GAB2: variants seen among roughly 807,000 people sequenced by gnomAD.
GAB2 encodes the protein GRB2 associated binding protein 2.
Under a neutral mutation model 65.5 loss-of-function variants are expected in GAB2, and 26 were observed. The observed-to-expected ratio is 0.40, with a 90% confidence interval of 0.29 to 0.55. The LOEUF (loss-of-function observed/expected upper bound fraction) is 0.55. GAB2 is among the 20% of genes least tolerant of loss of function. The probability of loss-of-function intolerance (pLI) is 0.53; values close to 1 mark genes in which losing one functional copy is unlikely to be tolerated. For missense variants in GAB2, 884 were observed against 875.8 expected, an observed-to-expected ratio of 1.01 and a Z score of -0.12; for synonymous variants, 321 against 329.6, an observed-to-expected ratio of 0.97 and a Z score of 0.28.
At chr11:78,337,232 G>A (rs1432899511) in intron 1 of GAB2, among the ~76,000 whole-genome samples, 4 of 152,208 alleles carry the variant, frequency 2.6e-5, no homozygotes, top group Non-Finnish European at 5.9e-5. Context: ...ATTTCAGTTA[G>A]TGGGTTTGAT....
chr11:78,280,176 A>C (rs10899451), intron 2 of GAB2, among the ~76,000 whole-genome samples: 23,946 of 152,208 alleles, frequency 0.16, 2,437 homozygotes, highest in East Asian at 0.4. Flanking sequence ...AACAAGGGTC[A>C]AGTGTGACTG....
intron 1 of GAB2, among the ~76,000 whole-genome samples, chr11:78,336,346 A>C (rs1487998153): frequency 2.7e-5 from 4 of 148,986 alleles, no homozygotes; most frequent in South Asian, 2.1e-4. Context: ...AAAAAAAAAA[A>C]AAAAAAAAAA....
chr11:78,401,372 A>G (rs916392060), intron 1 of GAB2, among the ~76,000 whole-genome samples: 2 of 152,358 alleles, frequency 1.3e-5, no homozygotes, highest in Non-Finnish European at 2.9e-5. Flanking sequence ...AGTACCTCAC[A>G]TAAGTAGAAT....
intron 1 of GAB2, among the ~76,000 whole-genome samples, chr11:78,413,488 T>C (rs10899497): frequency 0.16 from 25,077 of 152,108 alleles, 2,785 homozygotes; most frequent in East Asian, 0.44. Context: ...TAAAAAATCA[T>C]CCTCTGAGTT....
At chr11:78,309,573 G>A (rs1479275485) in intron 1 of GAB2, among the ~76,000 whole-genome samples, 1 of 151,690 alleles carries the variant, frequency 6.6e-6, no homozygotes, top group African/African-American at 2.4e-5. Flanking sequence ...CAGGGTTGAG[G>A]GGATCCTCCC....
At chr11:78,262,291 T>C (rs557128163) in intron 2 of GAB2, among the ~76,000 whole-genome samples, 14 of 152,350 alleles carry the variant, frequency 9.2e-5, no homozygotes, top group Admixed American at 3.3e-4. Flanking sequence ...AACCTAGGGA[T>C]GGTACCTGAA....
rs1565413705 is a variant in GAB2 at position 78,219,115 on chromosome 11, G to A, written c.*157C>T. ...CTTGATCAGGCCCTCACCTCCCAGG[G>A]GAAGGGTTCAGGGTCCCTGATGTCA... On this transcript the variant is annotated 3_prime_UTR_variant, in exon 10 of 10. Transcript: ENST00000361507. 3.0e-6 allele frequency: 2 copies of A among 675,762 alleles called. No individual in the cohort carries two copies. The highest frequency in any genetic ancestry group is 2.9e-5 in the Admixed American group (1 of 34,362). 41.9% of individuals were successfully genotyped at this position (675,762 alleles called of 1,614,324 possible).
chr11:78,302,811 G>C (rs950876527), intron 1 of GAB2, among the ~76,000 whole-genome samples: 2 of 152,064 alleles, frequency 1.3e-5, no homozygotes, highest in African/African-American at 4.8e-5. Context: ...AAGAAACTGA[G>C]ATATATATAT....
At chr11:78,278,578 AT>A (rs34825107) in intron 2 of GAB2, among the ~76,000 whole-genome samples, 39,956 of 150,622 alleles carry the variant, frequency 0.27, 6,240 homozygotes, top group African/African-American at 0.43. Flanking sequence ...GGTTTTCACC[AT>A]TATTGGTCAG....
intron 1 of GAB2, among the ~76,000 whole-genome samples, chr11:78,411,332 T>C (rs528006966): frequency 1.3e-5 from 2 of 152,028 alleles, no homozygotes; most frequent in Non-Finnish European, 2.9e-5. Context: ...CAAGACTTTC[T>C]TTTTTTTGCA....
intron 2 of GAB2, among the ~76,000 whole-genome samples, chr11:78,271,159 C>T (rs1007779001): frequency 3.9e-5 from 6 of 152,226 alleles, no homozygotes; most frequent in Non-Finnish European, 8.8e-5. Flanking sequence ...AGAGATGGCT[C>T]TTTTTGTGTG....
At chr11:78,366,906 G>A (rs1856505691) in intron 1 of GAB2, among the ~76,000 whole-genome samples, 1 of 151,748 alleles carries the variant, frequency 6.6e-6, no homozygotes, top group African/African-American at 2.4e-5. Flanking sequence ...AAAGTTACAT[G>A]AGAAATTTTA....
At chr11:78,262,020 T>C (rs1195994680) in intron 2 of GAB2, among the ~76,000 whole-genome samples, 1 of 152,146 alleles carries the variant, frequency 6.6e-6, no homozygotes, top group African/African-American at 2.4e-5. Flanking sequence ...CAACTGGCAA[T>C]TGGTGTAAAA....
At chr11:78,258,735 C>A (rs992604576) in intron 2 of GAB2, among the ~76,000 whole-genome samples, 24 of 152,056 alleles carry the variant, frequency 1.6e-4, no homozygotes, top group African/African-American at 5.8e-4. Flanking sequence ...AGTGCTGGAA[C>A]TATAGGCATG....
At chr11:78,382,689 T>C (rs1856713759) in intron 1 of GAB2, among the ~76,000 whole-genome samples, 1 of 152,210 alleles carries the variant, frequency 6.6e-6, no homozygotes, top group Non-Finnish European at 1.5e-5. Context: ...ATTGTAATCA[T>C]GAGACCTTTT....
chr11:78,300,949 C>A (rs1388059214), intron 1 of GAB2, among the ~76,000 whole-genome samples: 2 of 152,132 alleles, frequency 1.3e-5, no homozygotes, highest in Non-Finnish European at 2.9e-5. Context: ...CCTGCCTTGG[C>A]CTCCCAAAGT....
intron 1 of GAB2, among the ~76,000 whole-genome samples, chr11:78,333,795 C>G (rs1855954599): frequency 6.6e-6 from 1 of 152,176 alleles, no homozygotes; most frequent in South Asian, 2.1e-4. Flanking sequence ...GGCTCCTCTC[C>G]TAAATCCTTT....
chr11:78,226,370 C>T, intron 4 of GAB2, 95 bp downstream of exon 4: 1 of 986,644 alleles, frequency 1.0e-6, no homozygotes, highest in African/African-American at 1.6e-5. Context: ...TTCGTAAGTT[C>T]CCCTCGGCCA....
At chr11:78,352,299 C>T (rs951412907) in intron 1 of GAB2, among the ~76,000 whole-genome samples, 2 of 152,210 alleles carry the variant, frequency 1.3e-5, no homozygotes, top group Non-Finnish European at 1.5e-5. Context: ...GACTTGATGC[C>T]GACTCCCAGA....
Sources: gnomAD v4.1 joint callset for allele counts (sites outside exome capture counted in the v4.1 genomes callset) on GRCh38, gnomAD v4.1.1 for gene constraint, MANE v1.5 for transcripts, NCBI Gene and HGNC (gene_info 2026-07-23, HGNC 2026-07-21) for gene names.